GALNT13: variants seen among roughly 807,000 people sequenced by gnomAD.
GALNT13 encodes UDP-GalNAc:polypeptide N-acetylgalactosaminyltransferase 13.
Under a neutral mutation model 64.2 loss-of-function variants are expected in GALNT13, and 28 were observed. The observed-to-expected ratio is 0.44, with a 90% CI of 0.32 to 0.60. GALNT13 has a LOEUF of 0.60. Ranked by LOEUF, GALNT13 falls within the 20% of genes least tolerant of loss-of-function variation. GALNT13 has a pLI of 0.05. For synonymous variants in GALNT13, 214 were observed against 224.6 expected (o/e 0.95, Z 0.42); for missense variants, 577 against 669.8 (o/e 0.86, Z 1.53).
At chr2:153,391,075 A>G in the GALNT13 span, among the ~76,000 whole-genome samples, 3 of 151,860 alleles carry the variant, frequency 2.0e-5, no homozygotes, top group Non-Finnish European at 4.4e-5. Context: ...TTATTGGGGG[A>G]AAAGCACTCC....
chr2:153,905,996 G>A (rs1688534568), intron 2 of GALNT13, among the ~76,000 whole-genome samples: 1 of 151,880 alleles, frequency 6.6e-6, no homozygotes, highest in Non-Finnish European at 1.5e-5. Context: ...ATAGAGCAGA[G>A]CCATGGGAAA....
chr2:153,256,944 G>A, the GALNT13 span, among the ~76,000 whole-genome samples: 9 of 152,238 alleles, frequency 5.9e-5, no homozygotes, highest in African/African-American at 1.9e-4. Flanking sequence ...AGCCTGCAGA[G>A]GCAGGCAGGC....
chr2:153,261,930 C>G, the GALNT13 span, among the ~76,000 whole-genome samples: 6 of 152,140 alleles, frequency 3.9e-5, no homozygotes, highest in Admixed American at 6.6e-5. Context: ...GTGAATGACA[C>G]AAACCCTGAG....
the GALNT13 span, among the ~76,000 whole-genome samples, chr2:153,519,193 A>G: frequency 6.6e-6 from 1 of 152,130 alleles, no homozygotes; most frequent in Non-Finnish European, 1.5e-5. Context: ...TGTAAAATCG[A>G]TATTTTCCAT....
the GALNT13 span, among the ~76,000 whole-genome samples, chr2:153,280,315 A>G: frequency 6.6e-6 from 1 of 152,104 alleles, no homozygotes; most frequent in Non-Finnish European, 1.5e-5. Context: ...TCAAAAAACC[A>G]ACTTTTTGGT....
chr2:153,117,487 G>A, the GALNT13 span, among the ~76,000 whole-genome samples: 1 of 152,158 alleles, frequency 6.6e-6, no homozygotes, highest in Non-Finnish European at 1.5e-5. Context: ...TGGTTATATG[G>A]TTATGTGGTT....
chr2:154,053,864 T>C (rs1410506349), intron 3 of GALNT13, among the ~76,000 whole-genome samples: 1 of 152,176 alleles, frequency 6.6e-6, no homozygotes, highest in African/African-American at 2.4e-5. Flanking sequence ...CAGATTTTTC[T>C]TTTTCTTTCA....
chr2:154,363,415 GC>G (rs1697189263), intron 9 of GALNT13, among the ~76,000 whole-genome samples: 1 of 152,124 alleles, frequency 6.6e-6, no homozygotes, highest in African/African-American at 2.4e-5. Context: ...GTGGATTTCT[GC>G]AGTGGACCAG....
chr2:154,155,307 T>C (rs1266255943), intron 4 of GALNT13, among the ~76,000 whole-genome samples: 1 of 152,068 alleles, frequency 6.6e-6, no homozygotes, highest in African/African-American at 2.4e-5. Context: ...GGTTAAAATG[T>C]GTATTTTTTT....
chr2:153,162,289 C>A, the GALNT13 span, among the ~76,000 whole-genome samples: 7 of 152,132 alleles, frequency 4.6e-5, no homozygotes, highest in African/African-American at 1.4e-4. Context: ...AGTTAATTTT[C>A]ACATTTTTCA....
the GALNT13 span, among the ~76,000 whole-genome samples, chr2:153,365,315 C>T: frequency 3.3e-5 from 5 of 152,206 alleles, no homozygotes; most frequent in Non-Finnish European, 2.9e-5. Flanking sequence ...CAATATCACT[C>T]GGGACATAGG....
At chr2:154,036,779 G>T (rs1490660420) in intron 3 of GALNT13, among the ~76,000 whole-genome samples, 2 of 152,058 alleles carry the variant, frequency 1.3e-5, no homozygotes, top group African/African-American at 4.8e-5. Flanking sequence ...TAGGAAACCT[G>T]AGGATGGTCT....
the GALNT13 span, among the ~76,000 whole-genome samples, chr2:153,694,674 G>A: frequency 6.6e-6 from 1 of 152,122 alleles, no homozygotes; most frequent in Admixed American, 6.5e-5. Flanking sequence ...TGTTCTGGGA[G>A]AGTTGCACAT....
At chr2:154,287,549 A>G in intron 8 of GALNT13, 1 of 240,676 alleles carries the variant, frequency 4.2e-6, no homozygotes, top group Admixed American at 4.7e-5. Flanking sequence ...CTAGTTCATC[A>G]ATCCTTCTTC....
chr2:153,256,471 A>G, the GALNT13 span, among the ~76,000 whole-genome samples: 1 of 152,116 alleles, frequency 6.6e-6, no homozygotes, highest in Non-Finnish European at 1.5e-5. Flanking sequence ...TCAGCTCCTC[A>G]ACGTCATTCT....
the GALNT13 span, among the ~76,000 whole-genome samples, chr2:153,486,380 A>T: frequency 6.6e-6 from 1 of 152,072 alleles, no homozygotes; most frequent in Admixed American, 6.5e-5. Flanking sequence ...AGGAAAAATA[A>T]CCGAGGTTGT....
At chr2:154,009,910 G>C (rs893821448) in intron 3 of GALNT13, among the ~76,000 whole-genome samples, 1 of 147,978 alleles carries the variant, frequency 6.8e-6, no homozygotes, top group East Asian at 2.4e-4. Flanking sequence ...TTTTGTGGTT[G>C]TTTTGTGGTT....
At chr2:154,237,468 T>C (rs1380823491) in intron 4 of GALNT13, among the ~76,000 whole-genome samples, 2 of 149,992 alleles carry the variant, frequency 1.3e-5, no homozygotes, top group African/African-American at 2.4e-5. Context: ...TGTTCTTGTT[T>C]GTTTTGAATT....
intron 3 of GALNT13, among the ~76,000 whole-genome samples, chr2:154,088,765 A>T (rs915138639): frequency 6.6e-6 from 1 of 152,124 alleles, no homozygotes; most frequent in Non-Finnish European, 1.5e-5. Flanking sequence ...TGCTTATTTT[A>T]AAATGAAACA....
Sources: gnomAD v4.1 joint callset for allele counts (sites outside exome capture counted in the v4.1 genomes callset) on GRCh38, gnomAD v4.1.1 for gene constraint, MANE v1.5 for transcripts, NCBI Gene and HGNC (gene_info 2026-07-23, HGNC 2026-07-21) for gene names.